Variants in PPP1R9A observed in about 807,000 individuals in gnomAD.
The protein encoded by PPP1R9A is protein phosphatase 1 regulatory subunit 9A, also known as neurabin-1.
PPP1R9A carries 59 observed loss-of-function variants against 141.9 expected under a neutral mutation model. That is an observed-to-expected ratio of 0.42 (90% CI 0.34 to 0.52). The LOEUF (loss-of-function observed/expected upper bound fraction) is 0.52. PPP1R9A is among the 20% of genes least tolerant of loss of function. The pLI, the probability that PPP1R9A is intolerant of heterozygous loss-of-function variation, is 0.10. For synonymous variants in PPP1R9A, 500 were observed against 569.7 expected (o/e 0.88, Z 1.74); for missense variants, 1,444 against 1,611.9 (o/e 0.90, Z 1.78).
intron 3 of PPP1R9A, among the ~76,000 whole-genome samples, chr7:95,114,967 C>A (rs956064035): frequency 1.3e-5 from 2 of 150,030 alleles, no homozygotes; most frequent in Admixed American, 1.3e-4. Context: ...TGATTTCTTT[C>A]TTTAAAATAA....
intron 2 of PPP1R9A, among the ~76,000 whole-genome samples, chr7:95,017,894 T>C (rs1374127172): frequency 6.6e-6 from 1 of 152,212 alleles, no homozygotes; most frequent in African/African-American, 2.4e-5. Flanking sequence ...GCATGTTTGT[T>C]CTAGACTATC....
intron 2 of PPP1R9A, among the ~76,000 whole-genome samples, chr7:94,963,130 T>C (rs1035197827): frequency 2.6e-5 from 4 of 152,044 alleles, no homozygotes; most frequent in African/African-American, 9.7e-5. Flanking sequence ...AAACAAACAA[T>C]TCTCAAAATA....
In PPP1R9A at chr7:95,264,330, C is replaced by T. The variant is rs533313184; in HGVS notation, c.2666-4220C>T. ...GGCTGTTTCTGAGTGGGTTAGTGCA[C>T]GTAACTGCGGAGCAGACCCCATTGT... On this transcript the variant is annotated intron_variant, in intron 12 of 19. Transcript: ENST00000433360. 2.6e-5 allele frequency among the ~76,000 whole-genome samples: 4 copies of T among 152,240 alleles called. No individual in the cohort carries two copies. The East Asian group carries it at 7.7e-4, about 29-fold the overall frequency.
intron 2 of PPP1R9A, among the ~76,000 whole-genome samples, chr7:94,973,390 G>A (rs570757947): frequency 5.9e-5 from 9 of 152,310 alleles, no homozygotes; most frequent in South Asian, 2.1e-4. Flanking sequence ...ATGATGTCAT[G>A]TGTTGAGAAC....
chr7:94,985,279 C>A (rs560676937), intron 2 of PPP1R9A, among the ~76,000 whole-genome samples: 1 of 152,228 alleles, frequency 6.6e-6, no homozygotes, highest in South Asian at 2.1e-4. Flanking sequence ...CAATGTGATG[C>A]TGAGAATAAT....
chr7:95,015,080 G>A lies in PPP1R9A; in HGVS notation c.1396-96179G>A, dbSNP rs185287874. ...GTCTAGGAATAATCCATTTTTCCAAGGAGCTATAGTTTCTTTTATTTGAAT... is the reference window on the plus strand; with the variant it reads ...GTCTAGGAATAATCCATTTTTCCAAAGAGCTATAGTTTCTTTTATTTGAAT... On this transcript the variant is annotated intron_variant, in intron 2 of 19. Transcript: ENST00000433360. 1.1e-4 allele frequency among the ~76,000 whole-genome samples: 17 copies of A among 151,994 alleles called. No homozygotes were observed. The East Asian group carries it at 2.9e-3, about 26-fold the overall frequency.
chr7:95,020,755 C>T (rs1805831155), intron 2 of PPP1R9A, among the ~76,000 whole-genome samples: 1 of 152,160 alleles, frequency 6.6e-6, no homozygotes, highest in Admixed American at 6.5e-5. Context: ...TGGTTTCCAG[C>T]TTCATCCATG....
chr7:95,122,453 TTC>T (rs1822813406), intron 4 of PPP1R9A, among the ~76,000 whole-genome samples: 1 of 152,036 alleles, frequency 6.6e-6, no homozygotes, highest in Non-Finnish European at 1.5e-5. Flanking sequence ...GGCCCATTGT[TTC>T]TGTTTTAATC....
At chr7:95,089,022 G>A (rs1816987205) in intron 2 of PPP1R9A, among the ~76,000 whole-genome samples, 1 of 151,988 alleles carries the variant, frequency 6.6e-6, no homozygotes, top group Non-Finnish European at 1.5e-5. Context: ...ACTTACTTAA[G>A]ATAACACAAG....
At chr7:95,238,391 AGG>A (rs1482020989) in intron 8 of PPP1R9A, among the ~76,000 whole-genome samples, 2 of 152,130 alleles carry the variant, frequency 1.3e-5, no homozygotes, top group Non-Finnish European at 2.9e-5. Context: ...GGCCTGAAAT[AGG>A]CTATCCCTGA....
At chr7:95,049,147 C>T (rs529035486) in intron 2 of PPP1R9A, among the ~76,000 whole-genome samples, 63 of 152,122 alleles carry the variant, frequency 4.1e-4, no homozygotes, top group Non-Finnish European at 7.1e-4. Context: ...CACACCATGC[C>T]GGAAAGAGAT....
chr7:94,979,100 A>G (rs1215534993), intron 2 of PPP1R9A, among the ~76,000 whole-genome samples: 3 of 152,196 alleles, frequency 2.0e-5, no homozygotes, highest in Non-Finnish European at 4.4e-5. Flanking sequence ...TCCAGCCAAC[A>G]TCAACATTTG....
chr7:95,225,500 TAGG>T (rs1420532188), intron 7 of PPP1R9A, among the ~76,000 whole-genome samples: 2 of 152,156 alleles, frequency 1.3e-5, no homozygotes, highest in Non-Finnish European at 2.9e-5. Context: ...CTCTAACGCT[TAGG>T]AGAATTAATC....
At chr7:95,056,643 A>G (rs891664886) in intron 2 of PPP1R9A, among the ~76,000 whole-genome samples, 5 of 152,146 alleles carry the variant, frequency 3.3e-5, no homozygotes, top group Non-Finnish European at 5.9e-5. Flanking sequence ...TTGTTTGACC[A>G]TATTCCCAGA....
At chr7:94,933,485 GAC>G (rs1373214191) in intron 2 of PPP1R9A, among the ~76,000 whole-genome samples, 2 of 152,120 alleles carry the variant, frequency 1.3e-5, no homozygotes, top group African/African-American at 4.8e-5. Flanking sequence ...CTGTATTGGA[GAC>G]ACAGCTCCAG....
At chr7:95,012,159 A>T (rs987635759) in intron 2 of PPP1R9A, among the ~76,000 whole-genome samples, 2 of 152,154 alleles carry the variant, frequency 1.3e-5, no homozygotes, top group Non-Finnish European at 2.9e-5. Context: ...ATTTATAAAG[A>T]AAAGAGGTTT....
At chr7:95,073,193 C>T (rs563860413) in intron 2 of PPP1R9A, among the ~76,000 whole-genome samples, 4 of 151,430 alleles carry the variant, frequency 2.6e-5, no homozygotes, top group Admixed American at 1.3e-4. Flanking sequence ...ACCATGTTGG[C>T]CAGGCTGGTC....
chr7:95,089,011 AACTT>A (rs1365461854), intron 2 of PPP1R9A, among the ~76,000 whole-genome samples: 1 of 152,046 alleles, frequency 6.6e-6, no homozygotes, highest in African/African-American at 2.4e-5. Context: ...TAAAAAGGTC[AACTT>A]ACTTAAGATA....
intron 2 of PPP1R9A, among the ~76,000 whole-genome samples, chr7:95,104,501 T>A (rs77411232): frequency 0.014 from 2,117 of 152,304 alleles, 54 homozygotes; most frequent in African/African-American, 0.049. Flanking sequence ...ATACTCCTTA[T>A]GTTAAAAGCT....
Sources: gnomAD v4.1 joint callset for allele counts (sites outside exome capture counted in the v4.1 genomes callset) on GRCh38, gnomAD v4.1.1 for gene constraint, MANE v1.5 for transcripts, NCBI Gene and HGNC (gene_info 2026-07-23, HGNC 2026-07-21) for gene names.